RIT2: variants seen among roughly 807,000 people sequenced by gnomAD.
RIT2 encodes the protein Ras like without CAAX 2, also known as GTP-binding protein Rit2.
Under a neutral mutation model 23.7 loss-of-function variants are expected in RIT2, and 24 were observed. The ratio of observed to expected loss-of-function variants is 1.01; its 90% CI spans 0.73 to 1.43. The LOEUF is 1.43. Ranked by LOEUF, RIT2 falls within the 40% of genes most tolerant of loss-of-function variation. The pLI is 0.00. For synonymous variants in RIT2, 107 were observed against 91.1 expected, an observed-to-expected ratio of 1.17 and a Z score of -0.99; for missense variants, 236 against 266.9, an observed-to-expected ratio of 0.88 and a Z score of 0.81.
chr18:42,971,335 C>T (rs918423016), intron 3 of RIT2, among the ~76,000 whole-genome samples: 1 of 151,968 alleles, frequency 6.6e-6, no homozygotes, highest in Admixed American at 6.6e-5. Context: ...GTACTCCTGA[C>T]TATGTTTGGC....
chr18:42,780,504 A>C (rs1913786120), intron 4 of RIT2, among the ~76,000 whole-genome samples: 1 of 152,154 alleles, frequency 6.6e-6, no homozygotes, highest in African/African-American at 2.4e-5. Flanking sequence ...CTAGTAAGAG[A>C]AGGAGATTCT....
At chr18:42,988,294 G>C (rs1208712682) in intron 2 of RIT2, among the ~76,000 whole-genome samples, 23 of 152,080 alleles carry the variant, frequency 1.5e-4, no homozygotes, top group Admixed American at 1.5e-3. Flanking sequence ...TTCTCTAACT[G>C]TTCCTATTTT....
intron 4 of RIT2, among the ~76,000 whole-genome samples, chr18:42,790,699 G>C (rs1914024027): frequency 6.6e-6 from 1 of 152,200 alleles, no homozygotes; most frequent in African/African-American, 2.4e-5. Flanking sequence ...AAATTGCTGG[G>C]ATTACAGGCG....
chr18:42,743,790 A>T (rs540373791), intron 4 of RIT2, 70 bp from the exon 5 acceptor site: 1 of 1,211,662 alleles, frequency 8.3e-7, no homozygotes, highest in South Asian at 1.5e-5. Context: ...TACGTTCTCT[A>T]CTAGAGCTGT....
chr18:42,819,715 T>C (rs1468230609), intron 4 of RIT2, among the ~76,000 whole-genome samples: 1 of 152,120 alleles, frequency 6.6e-6, no homozygotes, highest in East Asian at 1.9e-4. Context: ...GTATTCATTG[T>C]CCCATTTTAT....
intron 4 of RIT2, among the ~76,000 whole-genome samples, chr18:42,755,005 G>A (rs1598640963): frequency 6.6e-6 from 1 of 152,116 alleles, no homozygotes; most frequent in Admixed American, 6.6e-5. Context: ...TCAGGGAGTT[G>A]CTTAGACTGT....
intron 4 of RIT2, among the ~76,000 whole-genome samples, chr18:42,843,967 A>C (rs1906837078): frequency 6.6e-6 from 1 of 152,220 alleles, no homozygotes; most frequent in Non-Finnish European, 1.5e-5. Flanking sequence ...AGAGGGAGTT[A>C]AGAAATATAA....
intron 4 of RIT2, among the ~76,000 whole-genome samples, chr18:42,789,840 TA>T (rs1914002887): frequency 6.6e-6 from 1 of 152,238 alleles, no homozygotes; most frequent in Non-Finnish European, 1.5e-5. Flanking sequence ...TTGCTCTGGC[TA>T]GGACTTCCAG....
chr18:43,043,548 T>C (rs1240392745), intron 1 of RIT2, among the ~76,000 whole-genome samples: 1 of 151,804 alleles, frequency 6.6e-6, no homozygotes, highest in African/African-American at 2.4e-5. Context: ...CCCAGCACTT[T>C]GGGAGGCCAA....
intron 3 of RIT2, among the ~76,000 whole-genome samples, chr18:42,928,695 G>A (rs550299714): frequency 1.3e-5 from 2 of 152,096 alleles, no homozygotes; most frequent in African/African-American, 2.4e-5. Flanking sequence ...ATAAGTAGGA[G>A]TGGTAGTTTC....
At chr18:42,867,368 G>A (rs1267990291) in intron 4 of RIT2, among the ~76,000 whole-genome samples, 1 of 152,064 alleles carries the variant, frequency 6.6e-6, no homozygotes, top group African/African-American at 2.4e-5. Flanking sequence ...CAAACTCCAA[G>A]CAGATGCAAC....
chr18:42,984,098 T>A (rs563801052), intron 2 of RIT2, among the ~76,000 whole-genome samples: 1 of 152,236 alleles, frequency 6.6e-6, no homozygotes, highest in African/African-American at 2.4e-5. Context: ...AAGAAAGTAA[T>A]GTTTTCAAGT....
chr18:42,930,791 G>C (rs1447303873), intron 3 of RIT2, among the ~76,000 whole-genome samples: 2 of 152,112 alleles, frequency 1.3e-5, no homozygotes, highest in Non-Finnish European at 2.9e-5. Context: ...GACAGATTCA[G>C]GGGGCAAGAC....
intron 4 of RIT2, among the ~76,000 whole-genome samples, chr18:42,822,407 C>T (rs973231371): frequency 2.0e-5 from 3 of 152,092 alleles, no homozygotes; most frequent in Non-Finnish European, 4.4e-5. Context: ...AAAACTTATG[C>T]ACATGTTGTT....
At chr18:42,984,566 T>C (rs1484447788) in intron 2 of RIT2, among the ~76,000 whole-genome samples, 3 of 152,086 alleles carry the variant, frequency 2.0e-5, no homozygotes, top group African/African-American at 7.2e-5. Flanking sequence ...ATATGAGATG[T>C]TTCTGTATTA....
At chr18:42,921,183 C>A (rs550588777) in intron 4 of RIT2, among the ~76,000 whole-genome samples, 4 of 152,196 alleles carry the variant, frequency 2.6e-5, no homozygotes, top group South Asian at 2.1e-4. Flanking sequence ...TCAGAAAAAA[C>A]CACTCTGCAG....
At chr18:43,069,075 T>G (rs1287558749) in intron 1 of RIT2, among the ~76,000 whole-genome samples, 1 of 152,174 alleles carries the variant, frequency 6.6e-6, no homozygotes, top group South Asian at 2.1e-4. Flanking sequence ...TCCCGAAATC[T>G]TGAGAACAGA....
intron 2 of RIT2, among the ~76,000 whole-genome samples, chr18:42,979,459 A>T (rs573539319): frequency 6.6e-5 from 10 of 152,258 alleles, no homozygotes; most frequent in Non-Finnish European, 1.5e-5. Context: ...CCAAGCTATT[A>T]TACACCTCCA....
intron 1 of RIT2, among the ~76,000 whole-genome samples, chr18:43,113,050 T>C (rs1341098341): frequency 6.6e-6 from 1 of 152,164 alleles, no homozygotes; most frequent in East Asian, 1.9e-4. Flanking sequence ...GCCATGATCA[T>C]GCCACTGCAC....
Sources: allele counts gnomAD v4.1 joint callset (sites outside exome capture counted in the v4.1 genomes callset), GRCh38; gene constraint gnomAD v4.1.1; transcripts MANE v1.5; gene names NCBI Gene and HGNC (gene_info 2026-07-23, HGNC 2026-07-21).